Variants in CDH13 observed in about 807,000 individuals in gnomAD.
The protein encoded by CDH13 is cadherin-13.
A neutral mutation model predicts 63.8 loss-of-function variants in CDH13; 24 were observed. The ratio of observed to expected loss-of-function variants is 0.38; its 90% CI spans 0.27 to 0.53. CDH13 has a LOEUF of 0.53. Among genes scored for constraint, CDH13 ranks in the 20% least tolerant of loss-of-function variants. CDH13 has a pLI of 0.85. For synonymous variants in CDH13, 503 were observed against 355.3 expected (o/e 1.42, Z -4.67); for missense variants, 1,049 against 903.1 (o/e 1.16, Z -2.07).
At chr16:83,316,411 A>C (rs998081106) in intron 5 of CDH13, among the ~76,000 whole-genome samples, 2 of 152,214 alleles carry the variant, frequency 1.3e-5, no homozygotes, top group Non-Finnish European at 2.9e-5. Context: ...GATTTCCAGC[A>C]TCATAAACTG....
At chr16:82,815,581 A>G (rs996481078) in intron 1 of CDH13, among the ~76,000 whole-genome samples, 10 of 152,182 alleles carry the variant, frequency 6.6e-5, no homozygotes, top group East Asian at 3.9e-4. Flanking sequence ...TCAAAAGGCA[A>G]TTCCCATGGG....
intron 3 of CDH13, among the ~76,000 whole-genome samples, chr16:83,036,320 T>C (rs1417906942): frequency 1.3e-5 from 2 of 151,956 alleles, no homozygotes; most frequent in Non-Finnish European, 2.9e-5. Flanking sequence ...TGGCTACTTT[T>C]TGTATCTTTA....
chr16:83,698,502 A>G (rs1024511564), intron 10 of CDH13, among the ~76,000 whole-genome samples: 2 of 152,170 alleles, frequency 1.3e-5, no homozygotes, highest in Non-Finnish European at 2.9e-5. Context: ...CTCTCAAGAC[A>G]CTGCTTTCTT....
intron 5 of CDH13, among the ~76,000 whole-genome samples, chr16:83,303,251 A>T (rs111420365): frequency 0.02 from 3,075 of 152,344 alleles, 53 homozygotes; most frequent in African/African-American, 0.048. Context: ...AGGAAGATGA[A>T]TAGGAGAAAA....
In CDH13 at chr16:83,756,969, G is replaced by C. The variant is rs1325907375; in HGVS notation, c.1681+8719G>C. Among the ~76,000 whole-genome samples, 4 of 152,118 alleles carry C rather than the reference G, an allele frequency of 2.6e-5. No homozygotes were observed. In the East Asian group the frequency reaches 7.7e-4, roughly 29 times the overall value. On this transcript the variant is annotated intron_variant, in intron 11 of 13. Transcript: ENST00000567109. ...ATATAGAACTCTGAACTCAACAACT[G>C]AGTTCATTCTTTTCAAATTCCCAAG...
chr16:83,039,703 A>G (rs1251421883), intron 3 of CDH13, among the ~76,000 whole-genome samples: 1 of 152,090 alleles, frequency 6.6e-6, no homozygotes, highest in Non-Finnish European at 1.5e-5. Flanking sequence ...TTTTGAATAC[A>G]TGGATGAGTG....
chr16:83,600,060 G>C (rs1032034902), intron 7 of CDH13, among the ~76,000 whole-genome samples: 6 of 152,176 alleles, frequency 3.9e-5, no homozygotes, highest in African/African-American at 1.4e-4. Flanking sequence ...CCTGAGAATA[G>C]ATGGGATTTC....
chr16:83,143,852 T>A (rs1450156125), intron 4 of CDH13, among the ~76,000 whole-genome samples: 1 of 152,014 alleles, frequency 6.6e-6, no homozygotes, highest in Non-Finnish European at 1.5e-5. Context: ...GATAAACTAA[T>A]CCTTGGAATT....
intron 11 of CDH13, among the ~76,000 whole-genome samples, chr16:83,776,627 C>CA (rs1008300192): frequency 1.3e-5 from 2 of 152,206 alleles, no homozygotes; most frequent in African/African-American, 4.8e-5. Context: ...GCTCAGCTTC[C>CA]TTTAAGCTGG....
chr16:83,446,915 A>G (rs1020275566), intron 6 of CDH13, among the ~76,000 whole-genome samples: 1 of 151,758 alleles, frequency 6.6e-6, no homozygotes, highest in Non-Finnish European at 1.5e-5. Context: ...CTCTATCTCA[A>G]GTGTTAAGCT....
In CDH13 at chr16:83,263,068, A is replaced by G. The variant is rs1340627004; in HGVS notation, c.636+45571A>G. On this transcript the variant is annotated intron_variant, in intron 5 of 13. Transcript: ENST00000567109. ...GTGTTCAAATACATTTTGTTATTTG[A>G]ATGAATACATATTAGCTATGGATAT... is the stretch of plus-strand genomic sequence containing the variant. 2.0e-5 allele frequency among the ~76,000 whole-genome samples: 3 copies of G among 152,272 alleles called. No homozygotes were observed. In the East Asian group the frequency reaches 5.8e-4, roughly 29 times the overall value.
chr16:82,964,636 C>T (rs866001531), intron 2 of CDH13, among the ~76,000 whole-genome samples: 10 of 152,222 alleles, frequency 6.6e-5, no homozygotes, highest in Non-Finnish European at 4.4e-5. Context: ...TATAACACTT[C>T]TTCATAAAGG....
At chr16:83,337,083 A>T (rs2090614405) in intron 5 of CDH13, among the ~76,000 whole-genome samples, 1 of 152,174 alleles carries the variant, frequency 6.6e-6, no homozygotes, top group East Asian at 1.9e-4. Flanking sequence ...AATTTGGTTC[A>T]TTATGTTCTT....
intron 4 of CDH13, among the ~76,000 whole-genome samples, chr16:83,137,871 G>GT (rs2036363971): frequency 7.0e-6 from 1 of 142,274 alleles, no homozygotes; most frequent in African/African-American, 2.5e-5. Flanking sequence ...TTGTTTTTTA[G>GT]GTTTTTTTTT....
At chr16:83,602,082 CAAAAAAAAAAAAAAAGAACAACAACA>C (rs1907855845) in intron 7 of CDH13, among the ~76,000 whole-genome samples, 1 of 32,288 alleles carries the variant, frequency 3.1e-5, no homozygotes, top group Non-Finnish European at 4.8e-5. Context: ...GACTCTGTCT[CAAAAAAAAAAAAAAAGAACAACAACA>C]AAAAAAAAAA....
At chr16:83,215,854 T>C (rs915072974) in intron 4 of CDH13, among the ~76,000 whole-genome samples, 1 of 152,186 alleles carries the variant, frequency 6.6e-6, no homozygotes, top group Non-Finnish European at 1.5e-5. Flanking sequence ...AATTGTTTTG[T>C]TATAATCAAA....
chr16:82,921,131 T>G (rs1331632645), intron 2 of CDH13, among the ~76,000 whole-genome samples: 1 of 152,210 alleles, frequency 6.6e-6, no homozygotes, highest in African/African-American at 2.4e-5. Context: ...TAAGTTGTAT[T>G]AGTTTTCTGT....
chr16:82,854,835 A>G (rs760580851), intron 1 of CDH13, among the ~76,000 whole-genome samples: 6 of 152,134 alleles, frequency 3.9e-5, no homozygotes, highest in Non-Finnish European at 7.4e-5. Flanking sequence ...TGATTTGTTA[A>G]TGCCTCTTTT....
chr16:83,349,306 T>C (rs1161997940), intron 6 of CDH13, among the ~76,000 whole-genome samples: 1 of 152,068 alleles, frequency 6.6e-6, no homozygotes, highest in Non-Finnish European at 1.5e-5. Flanking sequence ...TGTTCATGAG[T>C]AGGGGGTAGA....
Sources: gnomAD v4.1 joint callset for allele counts (sites outside exome capture counted in the v4.1 genomes callset) on GRCh38, gnomAD v4.1.1 for gene constraint, MANE v1.5 for transcripts, NCBI Gene and HGNC (gene_info 2026-07-23, HGNC 2026-07-21) for gene names.